Variants in CRPPA observed in about 807,000 individuals in gnomAD.
CRPPA encodes the protein CDP-L-ribitol pyrophosphorylase A, also known as D-ribitol-5-phosphate cytidylyltransferase.
CRPPA carries 43 observed loss-of-function variants against 52.0 expected under a neutral mutation model. The observed-to-expected ratio is 0.83, with a 90% CI of 0.65 to 1.07. The LOEUF is 1.07. Ranked by LOEUF, CRPPA falls within the 50% of genes least tolerant of loss-of-function variation. The probability of loss-of-function intolerance (pLI) is 0.00; values close to 1 mark genes in which losing one functional copy is unlikely to be tolerated. For missense variants in CRPPA, 629 were observed against 551.7 expected (o/e 1.14, Z -1.40); for synonymous variants, 250 against 203.5 (o/e 1.23, Z -1.94).
intron 3 of CRPPA, among the ~76,000 whole-genome samples, chr7:16,339,278 T>G (rs1461067665): frequency 6.6e-6 from 1 of 151,970 alleles, no homozygotes; most frequent in African/African-American, 2.4e-5. Context: ...AGCTCATGAA[T>G]ATATATTCAA....
In CRPPA at chr7:16,178,061, C is replaced by CAA. The variant is rs5882558; in HGVS notation, c.1251+38003_1251+38004dup. Among the ~76,000 whole-genome samples the CAA allele has an allele frequency of 1.5e-4, 20 of 136,822 alleles. No individual in the cohort carries two copies. The East Asian group carries it at 2.2e-3, about 15-fold the overall frequency. 89.8% of individuals were successfully genotyped at this position (136,822 alleles called of 152,430 possible). ...TTCTTGGCTGTTGTCTAAAAGAAGG[C>CAA]AAAAAAAAAAAAAGAGAAAAATGGA... On this transcript the variant is annotated intron_variant, in intron 9 of 9. Transcript: ENST00000407010.
chr7:16,286,045 ATATAT>A lies in CRPPA; in HGVS notation c.836-7824_836-7820del, dbSNP rs1562608424. Among the ~76,000 whole-genome samples, 48 of 7,640 alleles carry A rather than the reference ATATAT, an allele frequency of 6.3e-3. 4 individuals are homozygous for A. The highest frequency in any genetic ancestry group is 0.016 in the African/African-American group (28 of 1,758). The allele number at this position is 7,640 out of a possible 152,430, so 5.0% of individuals were successfully genotyped here. ...CAAAAAAAAAAAAAAAAAAATATAA[ATATAT>A]ATATATATATATATATATATATATA... On this transcript the variant is annotated intron_variant, in intron 5 of 9. Coordinates refer to ENST00000407010, the MANE Select transcript of CRPPA (RefSeq NM_001101426.4).
At chr7:16,344,405 C>A (rs1224799531) in intron 3 of CRPPA, among the ~76,000 whole-genome samples, 32 of 99,318 alleles carry the variant, frequency 3.2e-4, no homozygotes, top group Admixed American at 3.6e-4. Context: ...TATCTCTACC[C>A]AAAAAAAAAA....
In CRPPA at chr7:16,317,056, T is replaced by C. The variant is rs574715132; in HGVS notation, c.685-8429A>G. Among the ~76,000 whole-genome samples the C allele has an allele frequency of 5.9e-5, 9 of 152,252 alleles. No individual in the cohort carries two copies. In the South Asian group the frequency reaches 1.9e-3, roughly 32 times the overall value. On this transcript the variant is annotated intron_variant, in intron 3 of 9. Transcript: ENST00000407010. The stretch of plus-strand genomic sequence containing the variant: ...CAATGTATAAACTGTACATTACAAC[T>C]CATAATATGTCCTTGAATAGGATTT...
At position 16,119,918 on chromosome 7, in the gene CRPPA, T is replaced by A. The variant is rs570648281; in HGVS notation, c.1252-28119A>T. On this transcript the variant is annotated intron_variant, in intron 9 of 9. Transcript: ENST00000407010. ...GAGTCATTTGCAAATAAAAGGTGTT[T>A]AAATCCTTAGAAGTGTGCAAGAATT... Among the ~76,000 whole-genome samples, 8 of 152,286 alleles carry A rather than the reference T, an allele frequency of 5.3e-5. No homozygotes were observed. The East Asian group carries it at 1.2e-3, about 22-fold the overall frequency.
intron 9 of CRPPA, among the ~76,000 whole-genome samples, chr7:16,144,958 G>A (rs549661066): frequency 6.6e-6 from 1 of 152,286 alleles, no homozygotes; most frequent in South Asian, 2.1e-4. Context: ...TAACAGATGT[G>A]CCAATCTCAG....
chr7:16,306,823 G>T (rs1262143066), intron 4 of CRPPA, among the ~76,000 whole-genome samples: 1 of 152,102 alleles, frequency 6.6e-6, no homozygotes, highest in Non-Finnish European at 1.5e-5. Flanking sequence ...TTTGCCTGCT[G>T]GGTTGATGAT....
chr7:16,306,526 C>G (rs1296082506), intron 4 of CRPPA, among the ~76,000 whole-genome samples: 1 of 152,284 alleles, frequency 6.6e-6, no homozygotes, highest in Non-Finnish European at 1.5e-5. Flanking sequence ...CCACAGATCT[C>G]AAGAGTGCTT....
chr7:16,286,041 ATAAATATATAT>A (rs1562608397), intron 5 of CRPPA, among the ~76,000 whole-genome samples: 1,437 of 12,260 alleles, frequency 0.12, 176 homozygotes, highest in Non-Finnish European at 0.13. Flanking sequence ...AAAAAAAAAT[ATAAATATATAT>A]ATATATATAT....
intron 3 of CRPPA, among the ~76,000 whole-genome samples, chr7:16,321,015 C>T (rs541172928): frequency 1.8e-4 from 27 of 152,122 alleles, no homozygotes; most frequent in African/African-American, 4.8e-4. Context: ...ATTATATTCA[C>T]GAGAAGTTTT....
intron 8 of CRPPA, among the ~76,000 whole-genome samples, chr7:16,234,767 T>C (rs1056454100): frequency 7.2e-5 from 11 of 152,108 alleles, no homozygotes; most frequent in African/African-American, 2.2e-4. Flanking sequence ...TATCTACACA[T>C]GCTGACTTCT....
intron 9 of CRPPA, among the ~76,000 whole-genome samples, chr7:16,117,610 G>A (rs1452823727): frequency 6.6e-6 from 1 of 152,022 alleles, no homozygotes; most frequent in Admixed American, 6.6e-5. Flanking sequence ...TCAGAACCAG[G>A]GAGCACATCC....
chr7:16,088,451 T>C lies in CRPPA; in HGVS notation c.*3244A>G. On this transcript the variant is annotated 3_prime_UTR_variant, in exon 10 of 10. Coordinates refer to ENST00000407010, the MANE Select transcript of CRPPA (RefSeq NM_001101426.4). ...TTTTTTTTTTGAGACGGAGTCTTGC[T>C]CTGTTGCCCAGGCTGGAGTGCAGTG... is the stretch of plus-strand genomic sequence containing the variant. 1 of 139,590 alleles carries C rather than the reference T, an allele frequency of 7.2e-6. No homozygotes were observed. Among genetic ancestry groups the C allele is most frequent in the South Asian group, 2.3e-4 (1 of 4,400 alleles). 8.6% of individuals were successfully genotyped at this position (139,590 alleles called of 1,614,324 possible).
At chr7:16,187,873 T>G (rs1027144875) in intron 9 of CRPPA, among the ~76,000 whole-genome samples, 1 of 152,020 alleles carries the variant, frequency 6.6e-6, no homozygotes, top group Non-Finnish European at 1.5e-5. Context: ...TCTAGAGATT[T>G]GTGTGGTTTA....
At chr7:16,365,557 T>A (rs1001969255) in intron 3 of CRPPA, among the ~76,000 whole-genome samples, 4 of 152,220 alleles carry the variant, frequency 2.6e-5, no homozygotes, top group Middle Eastern at 3.4e-3. Flanking sequence ...AGCAACATAA[T>A]AGAGGCACAA....
intron 2 of CRPPA, among the ~76,000 whole-genome samples, chr7:16,400,068 C>G (rs1474117862): frequency 6.6e-6 from 1 of 151,986 alleles, no homozygotes; most frequent in South Asian, 2.1e-4. Flanking sequence ...GGCACGTGAT[C>G]GGCAACGTGT....
chr7:16,362,109 C>T (rs139456674), intron 3 of CRPPA, among the ~76,000 whole-genome samples: 7,935 of 152,290 alleles, frequency 0.052, 333 homozygotes, highest in East Asian at 0.14. Context: ...CCGCCTCAGC[C>T]TCCCAAAGTG....
At chr7:16,257,069 A>G (rs2128411955) in intron 8 of CRPPA, among the ~76,000 whole-genome samples, 1 of 152,232 alleles carries the variant, frequency 6.6e-6, no homozygotes, top group South Asian at 2.1e-4. Flanking sequence ...GCAGTGTGCT[A>G]GAAACTACAT....
intron 9 of CRPPA, among the ~76,000 whole-genome samples, chr7:16,204,380 C>T (rs1190577085): frequency 2.0e-5 from 3 of 152,002 alleles, no homozygotes; most frequent in African/African-American, 7.3e-5. Flanking sequence ...CAAACAGACA[C>T]TCAAATACCA....
Sources: allele counts gnomAD v4.1 joint callset (sites outside exome capture counted in the v4.1 genomes callset), GRCh38; gene constraint gnomAD v4.1.1; transcripts MANE v1.5; gene names NCBI Gene and HGNC (gene_info 2026-07-23, HGNC 2026-07-21).